Variants in WDR7 observed in about 807,000 individuals in gnomAD.
WDR7 encodes WD repeat domain 7.
A neutral mutation model predicts 169.4 loss-of-function variants in WDR7; 46 were observed. The observed-to-expected ratio is 0.27, with a 90% CI of 0.21 to 0.35. WDR7 has a LOEUF of 0.35. Ranked by LOEUF, WDR7 falls within the 10% of genes least tolerant of loss-of-function variation. The probability of loss-of-function intolerance (pLI) is 1.00; values close to 1 mark genes in which losing one functional copy is unlikely to be tolerated. For missense variants in WDR7, 1,534 were observed against 1,859.3 expected, an observed-to-expected ratio of 0.83 and a Z score of 3.22; for synonymous variants, 612 against 666.8, an observed-to-expected ratio of 0.92 and a Z score of 1.27.
intron 20 of WDR7, among the ~76,000 whole-genome samples, chr18:56,864,596 A>G (rs1344253698): frequency 6.6e-6 from 1 of 151,844 alleles, no homozygotes; most frequent in Non-Finnish European, 1.5e-5. Context: ...ATTACTAAAT[A>G]AAGATCATTC....
Position 57,028,238 on chromosome 18 carries a change from G to C in WDR7, c.*1031G>C, listed in dbSNP as rs1283452777. ...CTAATAAGGTATTTCTTTTAAACAA[G>C]TATTCTGGAAAAGTAATAACTATGG... is the stretch of plus-strand genomic sequence containing the variant. On this transcript the variant is annotated 3_prime_UTR_variant, in exon 28 of 28. Coordinates refer to ENST00000254442, the MANE Select transcript of WDR7 (RefSeq NM_015285.3). 10 of 152,150 alleles carry C rather than the reference G, an allele frequency of 6.6e-5. No homozygotes were observed. The highest frequency in any genetic ancestry group is 5.9e-4 in the Admixed American group (9 of 15,280). 9.4% of individuals were successfully genotyped at this position (152,150 alleles called of 1,614,324 possible).
At position 56,854,553 on chromosome 18, in the gene WDR7, G is replaced by T. The variant is rs2045689891; in HGVS notation, c.3305-25391G>T. Among the ~76,000 whole-genome samples the T allele has an allele frequency of 2.6e-5, 4 of 152,168 alleles. No homozygotes were observed. In the South Asian group the frequency reaches 8.3e-4, roughly 32 times the overall value. ...TTTGGATAGGCATGACTGAAGCATG[G>T]ACATCCATGTATTAATGTGATTGGA... On this transcript the variant is annotated intron_variant, in intron 20 of 27. Transcript: ENST00000254442.
chr18:57,011,255 A>G (rs565180196), intron 26 of WDR7, among the ~76,000 whole-genome samples: 2 of 152,336 alleles, frequency 1.3e-5, no homozygotes, highest in South Asian at 4.1e-4. Context: ...AGGATTGTCA[A>G]TATGTAGGTA....
chr18:56,906,964 T>G (rs1211684539), intron 21 of WDR7, among the ~76,000 whole-genome samples: 1 of 152,230 alleles, frequency 6.6e-6, no homozygotes, highest in African/African-American at 2.4e-5. Flanking sequence ...CATCTCTAGG[T>G]CTGCAGTGGA....
In WDR7 at chr18:56,696,452, A is replaced by C. The variant is rs2025706354; in HGVS notation, c.1568A>C (p.Glu523Ala). 1.9e-6 allele frequency: 3 copies of C among 1,612,436 alleles called. No homozygotes were observed. The highest frequency in any genetic ancestry group is 2.5e-6 in the Non-Finnish European group (3 of 1,179,064). ...ATTACTCAACTTCTAGTTCCACCTG[A>C]AAACTGTAGTGTAAGTTGATTTATA... ...GEITQLLVPPENCSARVQHCI... is the reference protein window; with the variant it reads ...GEITQLLVPPANCSARVQHCI... The change falls in exon 12 of 28, where the codon GAA (glutamate) becomes GCA (alanine). Residue 523 changes from glutamate (E) to alanine (A), a missense_variant. Transcript: ENST00000254442.
At chr18:56,839,588 G>T (rs1211176159) in intron 20 of WDR7, among the ~76,000 whole-genome samples, 1 of 152,078 alleles carries the variant, frequency 6.6e-6, no homozygotes, top group Non-Finnish European at 1.5e-5. Context: ...ACTAATCTAG[G>T]TTCTTCTGTA....
intron 26 of WDR7, among the ~76,000 whole-genome samples, chr18:56,980,391 A>G (rs1040024258): frequency 6.6e-6 from 1 of 152,128 alleles, no homozygotes; most frequent in Non-Finnish European, 1.5e-5. Context: ...CCCAAGACAT[A>G]TGGAGTGTGA....
chr18:57,017,959 C>T (rs772741395), intron 26 of WDR7, among the ~76,000 whole-genome samples: 23 of 152,192 alleles, frequency 1.5e-4, no homozygotes, highest in Non-Finnish European at 2.8e-4. Context: ...GAACACTGTT[C>T]TGAAGGAGCA....
chr18:56,723,314 G>A (rs151149260), intron 13 of WDR7, among the ~76,000 whole-genome samples: 1 of 151,198 alleles, frequency 6.6e-6, no homozygotes, highest in East Asian at 1.9e-4. Context: ...CATTTCCATT[G>A]CTCTTTATTG....
intron 19 of WDR7, among the ~76,000 whole-genome samples, chr18:56,798,004 C>G (rs1055699810): frequency 6.6e-6 from 1 of 151,990 alleles, no homozygotes; most frequent in African/African-American, 2.4e-5. Context: ...ACATATATGT[C>G]GCAGGGAAAT....
At chr18:56,693,402 T>C (rs2025619718) in intron 9 of WDR7, among the ~76,000 whole-genome samples, 1 of 152,084 alleles carries the variant, frequency 6.6e-6, no homozygotes, top group South Asian at 2.1e-4. Flanking sequence ...TCCTAATGAA[T>C]GGTTTTTGTT....
intron 21 of WDR7, among the ~76,000 whole-genome samples, chr18:56,901,574 G>A (rs1386511398): frequency 1.3e-5 from 2 of 152,132 alleles, no homozygotes; most frequent in African/African-American, 4.8e-5. Flanking sequence ...ACTTCACAAG[G>A]ATGTTAGTGA....
At chr18:56,838,685 T>C (rs966032042) in intron 20 of WDR7, among the ~76,000 whole-genome samples, 3 of 152,192 alleles carry the variant, frequency 2.0e-5, no homozygotes, top group African/African-American at 7.2e-5. Context: ...GTCAGTCATA[T>C]AGATTCTCAT....
intron 14 of WDR7, among the ~76,000 whole-genome samples, chr18:56,741,464 G>A (rs553643851): frequency 2.6e-5 from 4 of 151,776 alleles, no homozygotes; most frequent in South Asian, 2.1e-4. Flanking sequence ...GTATTTAATC[G>A]GCCCTTCCTG....
chr18:56,853,209 C>G (rs1271941005), intron 20 of WDR7, among the ~76,000 whole-genome samples: 1 of 152,084 alleles, frequency 6.6e-6, no homozygotes, highest in Non-Finnish European at 1.5e-5. Context: ...TAACTGTTAA[C>G]ATAGTGATGA....
chr18:56,921,242 T>G (rs1278497729), intron 21 of WDR7, among the ~76,000 whole-genome samples: 1 of 152,176 alleles, frequency 6.6e-6, no homozygotes, highest in East Asian at 1.9e-4. Flanking sequence ...GACAGGGAGT[T>G]TTAACATTTG....
chr18:56,672,016 C>A (rs779563129), intron 1 of WDR7, among the ~76,000 whole-genome samples: 4 of 152,040 alleles, frequency 2.6e-5, no homozygotes, highest in Non-Finnish European at 5.9e-5. Flanking sequence ...ATCTGAAGGT[C>A]AAGATTTGTA....
chr18:56,663,847 T>G (rs2024962648), intron 1 of WDR7, among the ~76,000 whole-genome samples: 1 of 151,976 alleles, frequency 6.6e-6, no homozygotes, highest in East Asian at 1.9e-4. Flanking sequence ...TTAAAAAAAT[T>G]TTAAAGTCAT....
intron 1 of WDR7, among the ~76,000 whole-genome samples, chr18:56,661,180 G>A (rs1001223463): frequency 4.6e-5 from 7 of 152,160 alleles, no homozygotes; most frequent in Non-Finnish European, 8.8e-5. Flanking sequence ...CCTAAGGGAA[G>A]AAATTGGAAT....
Sources: allele counts gnomAD v4.1 joint callset (sites outside exome capture counted in the v4.1 genomes callset), GRCh38; gene constraint gnomAD v4.1.1; transcripts MANE v1.5; gene names NCBI Gene and HGNC (gene_info 2026-07-23, HGNC 2026-07-21).